The following KCNQ3 variants were observed in gnomAD, a reference collection of about 807,000 sequenced individuals.
The protein encoded by KCNQ3 is potassium voltage-gated channel subfamily KQT member 3.
In KCNQ3, 30 loss-of-function variants were observed where a neutral mutation model predicts 92.5. The observed-to-expected ratio is 0.32, with a 90% CI of 0.24 to 0.44. The LOEUF (loss-of-function observed/expected upper bound fraction) is 0.44. Ranked by LOEUF, KCNQ3 falls within the 20% of genes least tolerant of loss-of-function variation. The probability of loss-of-function intolerance (pLI) is 1.00; values close to 1 mark genes in which losing one functional copy is unlikely to be tolerated. For synonymous variants in KCNQ3, 450 were observed against 468.8 expected, an observed-to-expected ratio of 0.96 and a Z score of 0.52; for missense variants, 913 against 1,140.3, an observed-to-expected ratio of 0.80 and a Z score of 2.87.
At position 132,122,916 on chromosome 8, in the gene KCNQ3, T is replaced by C. The variant is rs930456418; in HGVS notation, c.*6346A>G. 11 of 152,310 alleles carry C rather than the reference T, an allele frequency of 7.2e-5. No individual in the cohort carries two copies. In the South Asian group the frequency reaches 2.1e-3, roughly 29 times the overall value. 9.4% of individuals were successfully genotyped at this position (152,310 alleles called of 1,614,324 possible). On this transcript the variant is annotated 3_prime_UTR_variant, in exon 15 of 15. Transcript: ENST00000388996. The stretch of plus-strand genomic sequence containing the variant: ...TAACCATAAGATGTCCTAAGTTGAG[T>C]CCTGTCTGCTTCTTTGTAGCTTTTG...
At chr8:132,164,903 C>G (rs745819394) in intron 8 of KCNQ3, among the ~76,000 whole-genome samples, 1 of 150,306 alleles carries the variant, frequency 6.7e-6, no homozygotes, top group Non-Finnish European at 1.5e-5. Flanking sequence ...TGAGATCTAC[C>G]CATGGTCTCA....
At chr8:132,194,004 A>T (rs1414257103) in intron 1 of KCNQ3, among the ~76,000 whole-genome samples, 3 of 152,180 alleles carry the variant, frequency 2.0e-5, no homozygotes, top group Non-Finnish European at 2.9e-5. Flanking sequence ...TCTCAGTAAC[A>T]TTCCAGATAG....
At chr8:132,456,579 A>T (rs78400435) in intron 1 of KCNQ3, among the ~76,000 whole-genome samples, 4,118 of 151,226 alleles carry the variant, frequency 0.027, 327 homozygotes, top group East Asian at 0.24. Context: ...TCAAAAAGCA[A>T]TGTTAGCTTT....
chr8:132,149,681 C>T (rs1825573215), intron 9 of KCNQ3, among the ~76,000 whole-genome samples: 2 of 152,204 alleles, frequency 1.3e-5, no homozygotes, highest in Admixed American at 6.5e-5. Context: ...CCAAGGGCCA[C>T]AGACACGCGC....
intron 2 of KCNQ3, 121 bp from the exon 3 acceptor site, chr8:132,184,488 G>T (rs538053642): frequency 1.8e-6 from 2 of 1,124,800 alleles, no homozygotes; most frequent in South Asian, 1.2e-5. Context: ...TGTCTGGTTG[G>T]CAGGGATGGC....
At chr8:132,184,074 C>A (rs999017412) in intron 3 of KCNQ3, among the ~76,000 whole-genome samples, 167 bp downstream of exon 3, 10 of 152,174 alleles carry the variant, frequency 6.6e-5, no homozygotes, top group African/African-American at 2.4e-4. Flanking sequence ...AATTTGAGGA[C>A]CCAGAAGGTT....
intron 1 of KCNQ3, among the ~76,000 whole-genome samples, chr8:132,236,903 A>G (rs1025175191): frequency 6.6e-6 from 1 of 152,244 alleles, no homozygotes; most frequent in Admixed American, 6.5e-5. Flanking sequence ...CTAACAGCTG[A>G]GAATGGCCCC....
At chr8:132,448,373 G>C (rs553921328) in intron 1 of KCNQ3, among the ~76,000 whole-genome samples, 20 of 142,048 alleles carry the variant, frequency 1.4e-4, no homozygotes, top group African/African-American at 5.4e-4. Context: ...GCTGGTTTAA[G>C]ATGGGTTTCT....
chr8:132,318,666 T>A (rs1250576721), intron 1 of KCNQ3, among the ~76,000 whole-genome samples: 1 of 152,062 alleles, frequency 6.6e-6, no homozygotes, highest in East Asian at 1.9e-4. Flanking sequence ...TGGATGTAGT[T>A]TAGTGTGTTT....
At chr8:132,157,979 G>C (rs1423808598) in intron 9 of KCNQ3, among the ~76,000 whole-genome samples, 3 of 152,028 alleles carry the variant, frequency 2.0e-5, no homozygotes, top group East Asian at 1.9e-4. Context: ...TTTCTTAATT[G>C]GTTCATAATT....
At chr8:132,264,923 A>G (rs1394619925) in intron 1 of KCNQ3, among the ~76,000 whole-genome samples, 1 of 152,228 alleles carries the variant, frequency 6.6e-6, no homozygotes, top group African/African-American at 2.4e-5. Flanking sequence ...AAGTTAGTTG[A>G]GAACTATGGC....
At chr8:132,315,032 A>G (rs1310032338) in intron 1 of KCNQ3, among the ~76,000 whole-genome samples, 3 of 152,372 alleles carry the variant, frequency 2.0e-5, no homozygotes, top group Non-Finnish European at 4.4e-5. Context: ...TTTAGATTCT[A>G]TCTCACAAGG....
intron 1 of KCNQ3, chr8:132,447,086 G>A: frequency 2.2e-6 from 2 of 911,438 alleles, no homozygotes; most frequent in South Asian, 1.5e-5. Flanking sequence ...AGTCACATCA[G>A]ACTTGGTCCC....
chr8:132,232,456 C>G (rs141017402), intron 1 of KCNQ3, among the ~76,000 whole-genome samples: 28 of 152,352 alleles, frequency 1.8e-4, no homozygotes, highest in African/African-American at 6.3e-4. Flanking sequence ...CACACACATT[C>G]AGAATCTACT....
rs531940524 is a variant in KCNQ3 at position 132,326,853 on chromosome 8, T to C, written c.387-140672A>G. On this transcript the variant is annotated intron_variant, in intron 1 of 14. Coordinates refer to ENST00000388996, the MANE Select transcript of KCNQ3 (RefSeq NM_004519.4). ...TAGTAGCACAGAGGGACTGAGATAC[T>C]CATTCATTTATTCATTCATTTACTC... 1.7e-3 allele frequency among the ~76,000 whole-genome samples: 254 copies of C among 152,388 alleles called. 1 individual carries two copies. The highest frequency in any genetic ancestry group is 5.5e-3 in the African/African-American group (228 of 41,586).
chr8:132,328,521 T>C (rs1204929938), intron 1 of KCNQ3, among the ~76,000 whole-genome samples: 1 of 152,064 alleles, frequency 6.6e-6, no homozygotes, highest in Non-Finnish European at 1.5e-5. Flanking sequence ...CCAAGTTACT[T>C]GAGCTGGCGC....
intron 9 of KCNQ3, among the ~76,000 whole-genome samples, chr8:132,155,730 C>A (rs1025139310): frequency 6.6e-6 from 1 of 152,084 alleles, no homozygotes; most frequent in African/African-American, 2.4e-5. Flanking sequence ...GGACCTGAAG[C>A]GGCTTGGAAA....
Position 132,121,796 on chromosome 8 carries a change from G to A in KCNQ3, c.*7466C>T, listed in dbSNP as rs1824477131. Reference sequence around the variant, plus strand: ...CTTGTTTGGTTAAAAACAATGACAGGAGCTCCTTGGGGGCAGAGAACAAGG... The same window carrying A: ...CTTGTTTGGTTAAAAACAATGACAGAAGCTCCTTGGGGGCAGAGAACAAGG... On this transcript the variant is annotated 3_prime_UTR_variant, in exon 15 of 15. Transcript: ENST00000388996. The A allele has an allele frequency of 6.6e-6, 1 of 152,206 alleles. No individual in the cohort carries two copies. Among genetic ancestry groups the A allele is most frequent in the African/African-American group, 2.4e-5 (1 of 41,440 alleles). The allele number at this position is 152,206 out of a possible 1,614,324, so 9.4% of individuals were successfully genotyped here.
In KCNQ3 at chr8:132,132,168, G is replaced by A; in HGVS notation, c.1884+12C>T. ...CAGATCCAGTTTTTGGTGAGAGGAAGAAAAGACTTACCTGTCTTTCAACTT... is the reference window on the plus strand; with the variant it reads ...CAGATCCAGTTTTTGGTGAGAGGAAAAAAAGACTTACCTGTCTTTCAACTT... On this transcript the variant is annotated intron_variant, in intron 14 of 14. Coordinates refer to ENST00000388996, the MANE Select transcript of KCNQ3 (RefSeq NM_004519.4). The A allele has an allele frequency of 6.4e-7, 1 of 1,557,164 alleles. No individual in the cohort carries two copies. Among genetic ancestry groups the A allele is most frequent in the South Asian group, 1.1e-5 (1 of 89,892 alleles).
Sources: allele counts gnomAD v4.1 joint callset (sites outside exome capture counted in the v4.1 genomes callset), GRCh38; gene constraint gnomAD v4.1.1; transcripts MANE v1.5; gene names NCBI Gene and HGNC (gene_info 2026-07-23, HGNC 2026-07-21).